NCAPG2: variants seen among roughly 807,000 people sequenced by gnomAD.
NCAPG2 encodes non-SMC condensin II complex subunit G2.
In NCAPG2, 53 loss-of-function variants were observed where a neutral mutation model predicts 141.1. That is an observed-to-expected ratio of 0.38 (90% CI 0.30 to 0.47). The LOEUF is 0.47. Among genes scored for constraint, NCAPG2 ranks in the 20% least tolerant of loss-of-function variants. The pLI is 0.99. For missense variants in NCAPG2, 1,087 were observed against 1,389.0 expected (o/e 0.78, Z 3.46); for synonymous variants, 499 against 490.7 (o/e 1.02, Z -0.22).
chr7:158,662,262 T>G lies in NCAPG2; in HGVS notation c.1921A>C (p.Lys641Gln), dbSNP rs1483445214. Residue 641 changes from lysine (K) to glutamine (Q), a missense_variant, in exon 16 of 28, where the codon AAA becomes CAA. Lys to Gln is a moderately conservative substitution (Grantham distance 53, BLOSUM62 1). Transcript: ENST00000356309. ...KSIDRSMENNKEAKLYTINKF... is the reference protein window; with the variant it reads ...KSIDRSMENNQEAKLYTINKF... ...TTAATCGTGTAAAGTTTGGCCTCTT[T>G]ATTATTTTCCATACTTCTGTCAATA... is the stretch of plus-strand genomic sequence containing the variant. 1 of 1,610,674 alleles carries G rather than the reference T, an allele frequency of 6.2e-7. No individual in the cohort carries two copies. Among genetic ancestry groups the G allele is most frequent in the East Asian group, 2.2e-5 (1 of 44,836 alleles).
intron 2 of NCAPG2, among the ~76,000 whole-genome samples, chr7:158,694,830 G>A (rs913125228): frequency 6.0e-5 from 9 of 151,254 alleles, no homozygotes; most frequent in Admixed American, 2.0e-4. Context: ...TTCCACCTCC[G>A]CTTGTTCACT....
intron 8 of NCAPG2, 48 bp downstream of exon 8, chr7:158,686,124 C>CATTT (rs1421289542): frequency 1.7e-6 from 2 of 1,169,350 alleles, no homozygotes; most frequent in African/African-American, 3.2e-5. Flanking sequence ...TATTTAGTAA[C>CATTT]TAAAATATAA....
rs1830947552 is a variant in NCAPG2 at position 158,645,565 on chromosome 7, A to G, written c.3234T>C (p.Ile1078=). 1.2e-6 allele frequency: 2 copies of G among 1,614,144 alleles called. No individual in the cohort carries two copies. Among genetic ancestry groups the G allele is most frequent in the African/African-American group, 1.3e-5 (1 of 74,954 alleles). The change falls in exon 26 of 28, where the codon ATT becomes ATC. Residue 1078 remains isoleucine (I), a synonymous_variant. Transcript: ENST00000356309. ...TATGCACAGCAGCCGTGAGGCACACAATGCCTTCAATATCATTAGAAGCCA... is the reference window on the plus strand; with the variant it reads ...TATGCACAGCAGCCGTGAGGCACACGATGCCTTCAATATCATTAGAAGCCA... ...ACVASNDIEG[I]VCLTAAVHII...
intron 8 of NCAPG2, among the ~76,000 whole-genome samples, chr7:158,684,878 G>A (rs1834661471): frequency 6.6e-6 from 1 of 152,168 alleles, no homozygotes; most frequent in South Asian, 2.1e-4. Flanking sequence ...AGAAGTCAGT[G>A]ATAAACCTTG....
chr7:158,657,689 T>C (rs1412283526), intron 17 of NCAPG2, among the ~76,000 whole-genome samples: 2 of 152,136 alleles, frequency 1.3e-5, no homozygotes. Context: ...ATGATGACAA[T>C]GGCGGTTTTG....
chr7:158,691,375 A>G (rs1316434360), intron 4 of NCAPG2, among the ~76,000 whole-genome samples: 1 of 152,260 alleles, frequency 6.6e-6, no homozygotes, highest in African/African-American at 2.4e-5. Flanking sequence ...GACCATACAA[A>G]TAAACTGATA....
intron 2 of NCAPG2, 51 bp from the exon 3 acceptor site, chr7:158,693,548 A>G: frequency 6.8e-7 from 1 of 1,464,610 alleles, no homozygotes; most frequent in South Asian, 1.2e-5. Flanking sequence ...AATTAATCAT[A>G]TCCTTTTCAT....
At position 158,662,305 on chromosome 7, in the gene NCAPG2, AATG is replaced by A. The variant is rs1264057894; in HGVS notation, c.1875_1877del (p.Ile626del). 2 of 1,609,878 alleles carry A rather than the reference AATG, an allele frequency of 1.2e-6. No homozygotes were observed. On this transcript the variant is annotated inframe_deletion, in exon 16 of 28. Coordinates refer to ENST00000356309, the MANE Select transcript of NCAPG2 (RefSeq NM_017760.7). ...TGTCAATACTTTTCCAGAGAATCAC[AATG>A]ATTTCTAGTAAACCTGCCATGCATG...
chr7:158,638,080 G>T (rs961867532), intron 27 of NCAPG2, among the ~76,000 whole-genome samples: 2 of 152,022 alleles, frequency 1.3e-5, no homozygotes, highest in African/African-American at 4.8e-5. Context: ...GGAGGCAAAG[G>T]TTGCAGTGAG....
At chr7:158,668,577 C>T (rs1587201485) in intron 13 of NCAPG2, 1 of 357,926 alleles carries the variant, frequency 2.8e-6, no homozygotes, top group East Asian at 1.7e-4. Flanking sequence ...TTAGATAAAA[C>T]AAGATCGGAC....
intron 7 of NCAPG2, among the ~76,000 whole-genome samples, chr7:158,686,748 T>G (rs1834776635): frequency 6.6e-6 from 1 of 152,120 alleles, no homozygotes; most frequent in Admixed American, 6.5e-5. Context: ...CAATCAGAGA[T>G]CCAGAATCAG....
chr7:158,703,652 T>C (rs1835950506), intron 1 of NCAPG2: 1 of 152,216 alleles, frequency 6.6e-6, no homozygotes, highest in Non-Finnish European at 1.5e-5. Context: ...CATCTCACCA[T>C]CCAGTTATCA....
intron 2 of NCAPG2, among the ~76,000 whole-genome samples, chr7:158,695,012 T>C (rs536190757): frequency 2.3e-4 from 35 of 152,288 alleles, no homozygotes; most frequent in Admixed American, 9.8e-4. Context: ...TCATGAACAA[T>C]TGAATAATTC....
At chr7:158,661,658 T>C (rs1832515103) in intron 16 of NCAPG2, among the ~76,000 whole-genome samples, 1 of 152,214 alleles carries the variant, frequency 6.6e-6, no homozygotes, top group African/African-American at 2.4e-5. Context: ...CATTCCACAA[T>C]GTGTACATAT....
Position 158,643,468 on chromosome 7 carries a change from C to T in NCAPG2, c.3380+821G>A, listed in dbSNP as rs114415402. 8.3e-3 allele frequency among the ~76,000 whole-genome samples: 1,257 copies of T among 152,272 alleles called. 23 individuals are homozygous for T. The highest frequency in any genetic ancestry group is 0.029 in the African/African-American group (1,192 of 41,534). ...CTGGATTACAGGCATTGAGTTACTG[C>T]GCCCAGCCTACAAACCAAATTTTCT... On this transcript the variant is annotated intron_variant, in intron 27 of 27. Transcript: ENST00000356309.
chr7:158,658,476 C>T (rs1320943812), intron 16 of NCAPG2, 68 bp from the exon 17 acceptor site: 3 of 1,367,352 alleles, frequency 2.2e-6, no homozygotes, highest in East Asian at 2.6e-5. Context: ...AGTCTCTCTA[C>T]GTAAATTCCT....
chr7:158,662,903 C>T (rs1832627015), intron 15 of NCAPG2, among the ~76,000 whole-genome samples: 1 of 152,206 alleles, frequency 6.6e-6, no homozygotes, highest in Non-Finnish European at 1.5e-5. Context: ...GGAATAATGA[C>T]TATGATCATG....
chr7:158,699,814 T>C (rs115687635), intron 2 of NCAPG2, among the ~76,000 whole-genome samples: 2,141 of 152,370 alleles, frequency 0.014, 57 homozygotes, highest in African/African-American at 0.049. Context: ...TTCTTACTGA[T>C]TTAACATATA....
In NCAPG2 at chr7:158,662,319, A is replaced by C. The variant is rs1832572763; in HGVS notation, c.1864T>G (p.Leu622Val). 1.9e-6 allele frequency: 3 copies of C among 1,607,634 alleles called. No individual in the cohort carries two copies. The highest frequency in any genetic ancestry group is 3.4e-5 in the Admixed American group (2 of 59,092). The change falls in exon 16 of 28, where the codon TTA becomes GTA. Residue 622 changes from leucine to valine, a missense_variant. Coordinates refer to ENST00000356309, the MANE Select transcript of NCAPG2 (RefSeq NM_017760.7). ...CAGAGAATCACAATGATTTCTAGTA[A>C]ACCTGCCATGCATGCAACATCGTTT... ...SVNDVACMAG[L>V]LEIIVILWKS...
Sources: gnomAD v4.1 joint callset for allele counts (sites outside exome capture counted in the v4.1 genomes callset) on GRCh38, gnomAD v4.1.1 for gene constraint, MANE v1.5 for transcripts, NCBI Gene and HGNC (gene_info 2026-07-23, HGNC 2026-07-21) for gene names.